The following PRKN variants were observed in gnomAD, a reference collection of about 807,000 sequenced individuals.
PRKN encodes E3 ubiquitin-protein ligase parkin.
In PRKN, 56 loss-of-function variants were observed where a neutral mutation model predicts 59.5. The ratio of observed to expected loss-of-function variants is 0.94; its 90% CI spans 0.76 to 1.18. The LOEUF is 1.18. Among genes scored for constraint, PRKN ranks in the 50% most tolerant of loss-of-function variants. PRKN has a pLI of 0.00. For synonymous variants in PRKN, 250 were observed against 222.1 expected (o/e 1.13, Z -1.12); for missense variants, 657 against 596.4 (o/e 1.10, Z -1.06).
intron 1 of PRKN, among the ~76,000 whole-genome samples, chr6:162,531,309 G>A (rs914867639): frequency 6.6e-6 from 1 of 152,156 alleles, no homozygotes; most frequent in Admixed American, 6.5e-5. Context: ...CTTGCTCGCT[G>A]CCTAGACAGA....
At chr6:162,421,930 TTAAA>T (rs1788990338) in intron 2 of PRKN, among the ~76,000 whole-genome samples, 1 of 152,216 alleles carries the variant, frequency 6.6e-6, no homozygotes, top group Non-Finnish European at 1.5e-5. Context: ...TCTAAATAAG[TTAAA>T]TAGGAAGTAA....
chr6:162,122,749 T>A (rs1436799987), intron 4 of PRKN, among the ~76,000 whole-genome samples: 1 of 151,812 alleles, frequency 6.6e-6, no homozygotes, highest in African/African-American at 2.4e-5. Flanking sequence ...TATCTATCTA[T>A]CTATCTATCT....
In PRKN at chr6:162,709,205, A is replaced by C. The variant is rs183554838; in HGVS notation, c.7+18457T>G. Among the ~76,000 whole-genome samples, 101 of 152,236 alleles carry C rather than the reference A, an allele frequency of 6.6e-4. No homozygotes were observed. In the East Asian group the frequency reaches 9.9e-3, roughly 15 times the overall value. ...GTAATATATAATTATTTCATTATATATTACAATGTAATAAAGGGCACAATA... is the reference window on the plus strand; with the variant it reads ...GTAATATATAATTATTTCATTATATCTTACAATGTAATAAAGGGCACAATA... On this transcript the variant is annotated intron_variant, in intron 1 of 11. Coordinates refer to ENST00000366898, the MANE Select transcript of PRKN (RefSeq NM_004562.3).
intron 1 of PRKN, among the ~76,000 whole-genome samples, chr6:162,556,378 T>TGC (rs1376230327): frequency 4.9e-5 from 7 of 141,890 alleles, no homozygotes; most frequent in East Asian, 2.4e-4. Flanking sequence ...TGTGTGTGTG[T>TGC]GTGTGTGTGT....
intron 1 of PRKN, among the ~76,000 whole-genome samples, chr6:162,672,166 CA>C (rs981139749): frequency 1.2e-4 from 18 of 150,714 alleles, no homozygotes; most frequent in Non-Finnish European, 2.2e-4. Context: ...ACTCCTAGCT[CA>C]AAAAAACAAA....
intron 1 of PRKN, among the ~76,000 whole-genome samples, chr6:162,475,584 AGTGT>A (rs796186480): frequency 4.8e-5 from 5 of 103,154 alleles, no homozygotes; most frequent in South Asian, 2.8e-4. Flanking sequence ...TGTGTGCATG[AGTGT>A]GTGTGTGTTT....
At chr6:161,916,796 C>A (rs747598135) in intron 6 of PRKN, among the ~76,000 whole-genome samples, 1 of 151,968 alleles carries the variant, frequency 6.6e-6, no homozygotes, top group Non-Finnish European at 1.5e-5. Flanking sequence ...TTTAATTTTT[C>A]TTTTTCTTTT....
intron 2 of PRKN, among the ~76,000 whole-genome samples, chr6:162,291,155 G>GGATGATTT (rs1781412598): frequency 6.6e-6 from 1 of 152,032 alleles, no homozygotes; most frequent in African/African-American, 2.4e-5. Context: ...GAAATGTGGA[G>GGATGATTT]GGTTATCATC....
chr6:162,595,081 G>A (rs1781449458), intron 1 of PRKN, among the ~76,000 whole-genome samples: 1 of 151,930 alleles, frequency 6.6e-6, no homozygotes, highest in Admixed American at 6.6e-5. Context: ...GGCTGAGGCA[G>A]GAGAATGGCG....
chr6:161,737,997 G>A (rs780631959), intron 7 of PRKN, among the ~76,000 whole-genome samples: 4 of 152,060 alleles, frequency 2.6e-5, no homozygotes, highest in East Asian at 3.9e-4. Context: ...TTCATTTAAC[G>A]AGCCCTCCTA....
At position 161,582,578 on chromosome 6, in the gene PRKN, C is replaced by T. The variant is rs1268970219; in HGVS notation, c.872-13162G>A. On this transcript the variant is annotated intron_variant, in intron 7 of 11. Coordinates refer to ENST00000366898, the MANE Select transcript of PRKN (RefSeq NM_004562.3). The surrounding 1 kb of genome is among the most constrained non-coding windows in gnomAD (Gnocchi z 4.4). ...AGCAGCTGGGACTACAGGCGCCTGC[C>T]ACCTCGCCTGGCTAATTGTTTTGTA... Among the ~76,000 whole-genome samples the T allele has an allele frequency of 6.6e-6, 1 of 151,980 alleles. No homozygotes were observed. The highest frequency in any genetic ancestry group is 1.5e-5 in the Non-Finnish European group (1 of 68,010).
At chr6:162,724,435 G>A (rs1363850832) in intron 1 of PRKN, among the ~76,000 whole-genome samples, 1 of 152,154 alleles carries the variant, frequency 6.6e-6, no homozygotes, top group Non-Finnish European at 1.5e-5. Flanking sequence ...TAAAAGGAAG[G>A]TACATGTCAT....
chr6:162,634,262 T>C (rs892029576), intron 1 of PRKN, among the ~76,000 whole-genome samples: 1 of 152,040 alleles, frequency 6.6e-6, no homozygotes. Context: ...AGGTGGTAAA[T>C]GTTTTTGGCT....
intron 1 of PRKN, among the ~76,000 whole-genome samples, chr6:162,588,348 C>T (rs1182784016): frequency 1.3e-5 from 2 of 150,292 alleles, no homozygotes; most frequent in Non-Finnish European, 3.0e-5. Context: ...GGCCAAATTT[C>T]AGTAAGAAAT....
In PRKN at chr6:161,855,344, A is replaced by C. The variant is rs7757608; in HGVS notation, c.735-69436T>G. ...TGAAACCTCATATATCAGACATCTA[A>C]CCTACCCTTATTTCTTTTATTCTCA... is the stretch of plus-strand genomic sequence containing the variant. On this transcript the variant is annotated intron_variant, in intron 6 of 11. Transcript: ENST00000366898. Among the ~76,000 whole-genome samples the C allele has an allele frequency of 4.0e-3, 607 of 152,176 alleles. 3 individuals carry two copies. Among genetic ancestry groups the C allele is most frequent in the African/African-American group, 0.014 (569 of 41,516 alleles).
chr6:161,838,955 C>T (rs973704671), intron 6 of PRKN, among the ~76,000 whole-genome samples: 2 of 152,160 alleles, frequency 1.3e-5, no homozygotes, highest in Admixed American at 6.5e-5. Context: ...GCACAAGCCC[C>T]ACCCAGGAGC....
In PRKN at chr6:161,499,908, G is replaced by A. The variant is rs546461668; in HGVS notation, c.1083+48946C>T. The stretch of plus-strand genomic sequence containing the variant: ...ATAATACAATGAATTATTTGAAACC[G>A]CAGCTGTTCCCAAGATTACAGATAA... On this transcript the variant is annotated intron_variant, in intron 9 of 11. Transcript: ENST00000366898. This position sits in a 1 kb window ranked among gnomAD's most constrained non-coding sequence, Gnocchi z 4.2. 5.3e-5 allele frequency among the ~76,000 whole-genome samples: 8 copies of A among 152,202 alleles called. No individual in the cohort carries two copies. Among genetic ancestry groups the A allele is most frequent in the African/African-American group, 9.6e-5 (4 of 41,546 alleles).
intron 6 of PRKN, among the ~76,000 whole-genome samples, chr6:161,930,057 A>G (rs28678944): frequency 0.23 from 35,350 of 152,150 alleles, 4,548 homozygotes; most frequent in Middle Eastern, 0.35. Context: ...TGAAGCCAGC[A>G]TTCTCTCTTG....
At chr6:162,226,528 T>TTTTG (rs571010953) in intron 3 of PRKN, among the ~76,000 whole-genome samples, 29 of 152,166 alleles carry the variant, frequency 1.9e-4, no homozygotes, top group Non-Finnish European at 3.8e-4. Context: ...ACACCAAGAA[T>TTTTG]TTTGTTTGTT....
Sources: allele counts gnomAD v4.1 joint callset (sites outside exome capture counted in the v4.1 genomes callset), GRCh38; gene constraint gnomAD v4.1.1; non-coding constraint Gnocchi (gnomAD v3.1); transcripts MANE v1.5; gene names NCBI Gene and HGNC (gene_info 2026-07-23, HGNC 2026-07-21).